RBFOX1: variants seen among roughly 807,000 people sequenced by gnomAD.
RBFOX1 encodes the protein RNA binding protein fox-1 homolog 1.
Under a neutral mutation model 57.7 loss-of-function variants are expected in RBFOX1, and 8 were observed. That is an observed-to-expected ratio of 0.14 (90% confidence interval 0.08 to 0.25). RBFOX1 has a LOEUF of 0.25. RBFOX1 is among the 10% of genes least tolerant of loss of function. The pLI, the probability that RBFOX1 is intolerant of heterozygous loss-of-function variation, is 1.00. For synonymous variants in RBFOX1, 326 were observed against 222.4 expected (o/e 1.47, Z -4.15); for missense variants, 611 against 548.5 (o/e 1.11, Z -1.14).
intron 2 of RBFOX1, among the ~76,000 whole-genome samples, chr16:6,567,932 C>T (rs2097290409): frequency 1.3e-5 from 2 of 152,080 alleles, no homozygotes; most frequent in Admixed American, 1.3e-4. Context: ...GCAATCTTCC[C>T]ACCTCAGCCT....
At chr16:6,935,116 A>G (rs1300909992) in intron 3 of RBFOX1, among the ~76,000 whole-genome samples, 2 of 152,114 alleles carry the variant, frequency 1.3e-5, no homozygotes, top group Admixed American at 6.6e-5. Flanking sequence ...AAGAAAAAAC[A>G]GCTTATTTAA....
intron 4 of RBFOX1, among the ~76,000 whole-genome samples, chr16:5,941,928 T>C (rs991233357): frequency 5.3e-5 from 8 of 151,694 alleles, no homozygotes; most frequent in Non-Finnish European, 7.4e-5. Flanking sequence ...AACTTTCTCC[T>C]CTATACTAGA....
At position 6,685,088 on chromosome 16, in the gene RBFOX1, T is replaced by A. The variant is rs959320810; in HGVS notation, c.-16+30438T>A. ...GTGAAATTCAAACCTCCATCCCTCA[T>A]CATTTCCCTATTTCCTGTCCAGAAA... On this transcript the variant is annotated intron_variant, in intron 3 of 15. Transcript: ENST00000550418. Among the ~76,000 whole-genome samples, 8 of 152,276 alleles carry A rather than the reference T, an allele frequency of 5.3e-5. 1 individual carries two copies. The South Asian group carries it at 1.7e-3, about 32-fold the overall frequency.
At chr16:6,825,530 CTT>C (rs1325434423) in intron 3 of RBFOX1, among the ~76,000 whole-genome samples, 9 of 152,100 alleles carry the variant, frequency 5.9e-5, no homozygotes, top group Non-Finnish European at 1.2e-4. Flanking sequence ...TTTGAACAGT[CTT>C]TTGATATTGA....
At chr16:7,250,791 C>T (rs983469840) in intron 4 of RBFOX1, among the ~76,000 whole-genome samples, 48 of 152,146 alleles carry the variant, frequency 3.2e-4, no homozygotes, top group South Asian at 6.2e-4. Context: ...GAATCAGGCA[C>T]CAAGACAGCT....
At chr16:6,861,417 A>G (rs938650905) in intron 3 of RBFOX1, among the ~76,000 whole-genome samples, 1 of 152,102 alleles carries the variant, frequency 6.6e-6, no homozygotes, top group Non-Finnish European at 1.5e-5. Context: ...AATGTCTTTG[A>G]TCAATGTAAA....
At chr16:7,026,669 C>G (rs1029678562) in intron 3 of RBFOX1, among the ~76,000 whole-genome samples, 12 of 152,302 alleles carry the variant, frequency 7.9e-5, no homozygotes, top group African/African-American at 2.9e-4. Flanking sequence ...ACCAGAAATA[C>G]TGTCCCTGTA....
rs985703380 is a variant in RBFOX1, at chr16:6,654,619, G to A, written c.-47G>A. ...TCTTCTCAGGATATCAAAGCAGACT[G>A]CAATACCTGCGTGGAAATAGAAGAC... On this transcript the variant is annotated 5_prime_UTR_variant, in exon 3 of 16. Transcript: ENST00000550418. 2.2e-5 allele frequency: 33 copies of A among 1,506,516 alleles called. No individual in the cohort carries two copies. Among genetic ancestry groups the A allele is most frequent in the Non-Finnish European group, 2.8e-5 (32 of 1,136,692 alleles). The allele number at this position is 1,506,516 out of a possible 1,614,324, so 93.3% of individuals were successfully genotyped here. A position where few individuals can be genotyped will look rare whatever the true frequency, so the allele number is the denominator to read the frequency against.
intron 2 of RBFOX1, among the ~76,000 whole-genome samples, chr16:6,460,414 C>A (rs1202558033): frequency 6.6e-6 from 1 of 151,720 alleles, no homozygotes; most frequent in African/African-American, 2.4e-5. Context: ...AGAAAAAAAA[C>A]ACCCCATAGA....
chr16:7,186,643 A>G (rs781685942), intron 4 of RBFOX1, among the ~76,000 whole-genome samples: 4 of 147,444 alleles, frequency 2.7e-5, no homozygotes, highest in South Asian at 2.1e-4. Context: ...TAATATTTAT[A>G]TACACATTTA....
intron 2 of RBFOX1, among the ~76,000 whole-genome samples, chr16:5,586,693 C>G (rs958388973): frequency 1.5e-4 from 23 of 152,258 alleles, no homozygotes; most frequent in African/African-American, 4.1e-4. Flanking sequence ...GAGAGGGGAA[C>G]TTGCTGTATG....
chr16:7,138,768 A>G (rs2072767774), intron 4 of RBFOX1, among the ~76,000 whole-genome samples: 1 of 152,174 alleles, frequency 6.6e-6, no homozygotes, highest in African/African-American at 2.4e-5. Context: ...AAAACAAGGA[A>G]CACACATCCA....
chr16:6,230,465 CTT>C (rs1043189752), intron 1 of RBFOX1, among the ~76,000 whole-genome samples: 1 of 152,130 alleles, frequency 6.6e-6, no homozygotes, highest in Non-Finnish European at 1.5e-5. Flanking sequence ...CGTTCTAAAA[CTT>C]TTGCTTTTAA....
intron 4 of RBFOX1, among the ~76,000 whole-genome samples, chr16:7,186,230 A>G (rs1166779726): frequency 7.5e-6 from 1 of 133,058 alleles, no homozygotes; most frequent in East Asian, 2.3e-4. Context: ...ATATAAACAT[A>G]AACATATTTA....
intron 3 of RBFOX1, among the ~76,000 whole-genome samples, chr16:6,737,425 A>G (rs2070699794): frequency 6.6e-6 from 1 of 152,326 alleles, no homozygotes; most frequent in South Asian, 2.1e-4. Flanking sequence ...TCACAGTATT[A>G]AAATAGAATT....
chr16:6,781,545 C>A (rs1397285185), intron 3 of RBFOX1, among the ~76,000 whole-genome samples: 2 of 152,136 alleles, frequency 1.3e-5, no homozygotes, highest in East Asian at 3.9e-4. Flanking sequence ...AACAGTGAAG[C>A]CATCAAGTCC....
At chr16:5,475,233 T>C (rs2069280203) in intron 2 of RBFOX1, among the ~76,000 whole-genome samples, 1 of 152,352 alleles carries the variant, frequency 6.6e-6, no homozygotes, top group Admixed American at 6.5e-5. Context: ...GCTGCTTCAT[T>C]TGTTTTCTCT....
intron 2 of RBFOX1, among the ~76,000 whole-genome samples, chr16:6,645,382 G>A (rs911097033): frequency 2.0e-5 from 3 of 152,128 alleles, no homozygotes; most frequent in Non-Finnish European, 4.4e-5. Flanking sequence ...GGTCTCGGGA[G>A]CTTCGTTGTC....
chr16:6,104,938 C>CT (rs963774952), intron 1 of RBFOX1, among the ~76,000 whole-genome samples: 52 of 152,310 alleles, frequency 3.4e-4, no homozygotes, highest in African/African-American at 1.2e-3. Context: ...ATACCTAGAA[C>CT]TTTCTTTTCT....
Sources: gnomAD v4.1 joint callset for allele counts (sites outside exome capture counted in the v4.1 genomes callset) on GRCh38, gnomAD v4.1.1 for gene constraint, MANE v1.5 for transcripts, NCBI Gene and HGNC (gene_info 2026-07-23, HGNC 2026-07-21) for gene names.